Variants in POU6F2 observed in about 807,000 individuals in gnomAD.
POU6F2 encodes the protein POU domain, class 6, transcription factor 2.
In POU6F2, 31 loss-of-function variants were observed where a neutral mutation model predicts 71.3. The observed-to-expected ratio is 0.43, with a 90% CI of 0.33 to 0.59. The LOEUF is 0.59. Ranked by LOEUF, POU6F2 falls within the 20% of genes least tolerant of loss-of-function variation. The pLI is 0.04. For synonymous variants in POU6F2, 347 were observed against 355.7 expected (o/e 0.98, Z 0.27); for missense variants, 783 against 856.8 (o/e 0.91, Z 1.07).
chr7:39,195,411 A>G (rs912291214), intron 2 of POU6F2, among the ~76,000 whole-genome samples: 4 of 152,224 alleles, frequency 2.6e-5, no homozygotes, highest in African/African-American at 9.6e-5. Flanking sequence ...CATATTCTGC[A>G]TGACAGATTA....
At chr7:39,366,795 G>A (rs1786510905) in intron 5 of POU6F2, among the ~76,000 whole-genome samples, 1 of 152,132 alleles carries the variant, frequency 6.6e-6, no homozygotes. Flanking sequence ...CTCAGGAGTT[G>A]GGGAGGCAGG....
chr7:39,017,015 G>C (rs1789568777), intron 1 of POU6F2, among the ~76,000 whole-genome samples: 1 of 152,136 alleles, frequency 6.6e-6, no homozygotes, highest in South Asian at 2.1e-4. Context: ...GGGAAGGCTG[G>C]AGGTGTTGCC....
intron 1 of POU6F2, among the ~76,000 whole-genome samples, chr7:39,008,275 C>G (rs1404262470): frequency 6.6e-6 from 1 of 151,130 alleles, no homozygotes; most frequent in Non-Finnish European, 1.5e-5. Context: ...CTCTGATGGC[C>G]AGTGATGATG....
intron 3 of POU6F2, among the ~76,000 whole-genome samples, chr7:39,204,947 C>A (rs1449994137): frequency 6.9e-6 from 1 of 144,138 alleles, no homozygotes; most frequent in Non-Finnish European, 1.5e-5. Flanking sequence ...TAGTGTGAAG[C>A]TTTCAGAGTT....
chr7:39,270,838 T>G (rs1379443762), intron 4 of POU6F2, among the ~76,000 whole-genome samples: 2 of 152,196 alleles, frequency 1.3e-5, no homozygotes, highest in Non-Finnish European at 2.9e-5. Context: ...CCCCAATTAG[T>G]GACATAACTT....
intron 2 of POU6F2, among the ~76,000 whole-genome samples, chr7:39,110,168 G>A (rs575067326): frequency 1.4e-3 from 208 of 151,660 alleles, no homozygotes; most frequent in African/African-American, 4.7e-3. Context: ...CTACTCAGGA[G>A]GCTGAGGCAG....
intron 1 of POU6F2, among the ~76,000 whole-genome samples, chr7:39,030,988 C>T (rs1287156480): frequency 6.6e-6 from 1 of 151,580 alleles, no homozygotes; most frequent in Non-Finnish European, 1.5e-5. Flanking sequence ...GCAACCTCCT[C>T]CTCCCGGGTT....
At chr7:39,176,511 G>A (rs759453131) in intron 2 of POU6F2, among the ~76,000 whole-genome samples, 62 of 152,090 alleles carry the variant, frequency 4.1e-4, no homozygotes, top group Non-Finnish European at 1.6e-4. Flanking sequence ...CCACAGGTTG[G>A]ACCAATGAGG....
rs955339870 is a variant in POU6F2 at position 39,007,772 on chromosome 7, C to T, written c.105+29714C>T. 4.4e-4 allele frequency among the ~76,000 whole-genome samples: 67 copies of T among 151,310 alleles called. No individual in the cohort carries two copies. In the East Asian group the frequency reaches 0.011, roughly 24 times the overall value. ...GTTCCCACCTATGAGTGAGAATATG[C>T]GGTGTTTGGTTTTTTGTTCTTGCGA... On this transcript the variant is annotated intron_variant, in intron 1 of 9. Coordinates refer to ENST00000518318, the MANE Select transcript of POU6F2 (RefSeq NM_001370959.1).
intron 4 of POU6F2, among the ~76,000 whole-genome samples, chr7:39,210,174 T>G (rs553118651): frequency 6.6e-6 from 1 of 152,142 alleles, no homozygotes; most frequent in Non-Finnish European, 1.5e-5. Context: ...TAAAACATAT[T>G]TGGTGGGTCA....
intron 1 of POU6F2, among the ~76,000 whole-genome samples, chr7:38,981,326 G>A (rs1054671990): frequency 2.6e-5 from 4 of 151,894 alleles, no homozygotes; most frequent in African/African-American, 4.8e-5. Context: ...TCAGTACTGC[G>A]GACCTCCTGT....
intron 2 of POU6F2, among the ~76,000 whole-genome samples, chr7:39,149,087 G>T (rs1792686537): frequency 6.6e-6 from 1 of 152,206 alleles, no homozygotes; most frequent in Non-Finnish European, 1.5e-5. Context: ...GGAAGCAGCA[G>T]AGAAGGGGTC....
intron 1 of POU6F2, among the ~76,000 whole-genome samples, chr7:39,065,661 A>G (rs1790740433): frequency 6.6e-6 from 1 of 151,518 alleles, no homozygotes; most frequent in Admixed American, 6.6e-5. Context: ...AAATAATATA[A>G]CATACAATTC....
intron 7 of POU6F2, among the ~76,000 whole-genome samples, chr7:39,451,313 T>C (rs1313297290): frequency 6.6e-6 from 1 of 151,510 alleles, no homozygotes; most frequent in African/African-American, 2.4e-5. Context: ...TAATAATATA[T>C]TTAGAATTAC....
chr7:39,374,531 C>A (rs568991242), intron 5 of POU6F2, among the ~76,000 whole-genome samples: 2 of 152,170 alleles, frequency 1.3e-5, no homozygotes, highest in Non-Finnish European at 2.9e-5. Flanking sequence ...CCCCCAGATT[C>A]TTAAAATCCC....
intron 2 of POU6F2, among the ~76,000 whole-genome samples, chr7:39,187,430 A>G (rs1793563743): frequency 6.6e-6 from 1 of 152,200 alleles, no homozygotes; most frequent in Admixed American, 6.5e-5. Context: ...GGCATTGGCT[A>G]GGCTTCACTC....
At chr7:39,204,397 A>G (rs577828972) in intron 3 of POU6F2, 71 bp downstream of exon 3, 2 of 1,290,096 alleles carry the variant, frequency 1.6e-6, no homozygotes, top group East Asian at 2.5e-5. Context: ...CACCAAATAA[A>G]TAATAATGAG....
At chr7:39,206,035 A>T (rs1206492433) in intron 3 of POU6F2, among the ~76,000 whole-genome samples, 1 of 152,194 alleles carries the variant, frequency 6.6e-6, no homozygotes, top group Non-Finnish European at 1.5e-5. Flanking sequence ...GCAAGTTACT[A>T]ACCTCTCTGT....
At chr7:39,111,941 T>C (rs940012325) in intron 2 of POU6F2, among the ~76,000 whole-genome samples, 9 of 152,134 alleles carry the variant, frequency 5.9e-5, no homozygotes, top group African/African-American at 1.9e-4. Flanking sequence ...CTTTAGGGAA[T>C]TGAATTTGTC....
Sources: allele counts gnomAD v4.1 joint callset (sites outside exome capture counted in the v4.1 genomes callset), GRCh38; gene constraint gnomAD v4.1.1; transcripts MANE v1.5; gene names NCBI Gene and HGNC (gene_info 2026-07-23, HGNC 2026-07-21).